LIMD1: variants seen among roughly 807,000 people sequenced by gnomAD.
LIMD1 encodes LIM domain containing 1.
LIMD1 carries 23 observed loss-of-function variants against 58.4 expected under a neutral mutation model. The ratio of observed to expected loss-of-function variants is 0.39; its 90% CI spans 0.28 to 0.56. The LOEUF (loss-of-function observed/expected upper bound fraction) is 0.56. Ranked by LOEUF, LIMD1 falls within the 20% of genes least tolerant of loss-of-function variation. LIMD1 has a pLI of 0.57. For missense variants in LIMD1, 838 were observed against 855.5 expected (o/e 0.98, Z 0.25); for synonymous variants, 334 against 345.5 (o/e 0.97, Z 0.37).
chr3:45,662,425 A>G (rs1697454197), intron 2 of LIMD1, among the ~76,000 whole-genome samples: 1 of 152,296 alleles, frequency 6.6e-6, no homozygotes, highest in Middle Eastern at 3.4e-3. Flanking sequence ...AATTAAATAT[A>G]TAAAAATTGT....
chr3:45,611,637 T>C (rs566958996), intron 1 of LIMD1, among the ~76,000 whole-genome samples: 1 of 152,282 alleles, frequency 6.6e-6, no homozygotes, highest in African/African-American at 2.4e-5. Flanking sequence ...AGCCCTTTCC[T>C]GGGTATGGGC....
intron 2 of LIMD1, among the ~76,000 whole-genome samples, chr3:45,657,837 C>A (rs1386315875): frequency 6.6e-6 from 1 of 152,114 alleles, no homozygotes; most frequent in Non-Finnish European, 1.5e-5. Context: ...CAAGTGATTC[C>A]CAAAAATAAT....
At chr3:45,601,629 G>A (rs1701413755) in intron 1 of LIMD1, among the ~76,000 whole-genome samples, 1 of 152,168 alleles carries the variant, frequency 6.6e-6, no homozygotes, top group Admixed American at 6.5e-5. Flanking sequence ...GTGCTTTGTG[G>A]GCCTTGTTGG....
In LIMD1 at chr3:45,595,094, G is replaced by T. The variant is rs762002629; in HGVS notation, c.215G>T (p.Arg72Met). The T allele has an allele frequency of 6.2e-7, 1 of 1,612,734 alleles. No homozygotes were observed. ...QQLLQEETLP[R>M]GSRGPVNGGG... The stretch of plus-strand genomic sequence containing the variant: ...CTCCTGCAGGAGGAGACTCTGCCCA[G>T]GGGGAGTAGAGGCCCTGTCAATGGA... The change falls in exon 1 of 8, where the codon AGG becomes ATG. Residue 72 changes from arginine to methionine, a missense_variant. This residue lies in a region of LIMD1 where 659 missense variants were observed against 639.8 expected (regional missense o/e 1.03). Transcript: ENST00000273317.
At chr3:45,623,401 C>T (rs1035200690) in intron 1 of LIMD1, among the ~76,000 whole-genome samples, 7 of 152,092 alleles carry the variant, frequency 4.6e-5, no homozygotes, top group Non-Finnish European at 1.0e-4. Context: ...CTCCTTGTTT[C>T]CCTGTAGAGT....
chr3:45,671,038 T>G (rs1196736353), intron 4 of LIMD1, among the ~76,000 whole-genome samples: 2 of 152,194 alleles, frequency 1.3e-5, no homozygotes, highest in African/African-American at 4.8e-5. Context: ...TTAAATTAAT[T>G]TAAGGATCTC....
At chr3:45,676,112 C>T (rs546650667) in intron 7 of LIMD1, among the ~76,000 whole-genome samples, 3 of 152,092 alleles carry the variant, frequency 2.0e-5, no homozygotes, top group East Asian at 1.9e-4. Flanking sequence ...GATGTGTTGG[C>T]GCGTGCATAA....
intron 1 of LIMD1, among the ~76,000 whole-genome samples, chr3:45,628,010 A>AAAAAAAG (rs1382269438): frequency 6.8e-6 from 1 of 146,952 alleles, no homozygotes; most frequent in Non-Finnish European, 1.5e-5. Context: ...CCCATCTCAA[A>AAAAAAAG]AAAAAAAAAG....
intron 7 of LIMD1, 121 bp downstream of exon 7, chr3:45,674,532 T>C: frequency 1.4e-6 from 1 of 702,540 alleles, no homozygotes; most frequent in Admixed American, 2.4e-5. Context: ...CCTCTAGAGC[T>C]TCTGTAGGAA....
intron 2 of LIMD1, among the ~76,000 whole-genome samples, chr3:45,643,567 C>G (rs950664214): frequency 9.2e-5 from 14 of 152,068 alleles, no homozygotes; most frequent in Non-Finnish European, 1.8e-4. Flanking sequence ...GGTTTAAAAA[C>G]TAAGACGTTC....
intron 4 of LIMD1, among the ~76,000 whole-genome samples, chr3:45,670,513 C>T (rs996208217): frequency 6.6e-6 from 1 of 152,188 alleles, no homozygotes; most frequent in Admixed American, 6.5e-5. Flanking sequence ...CACAGTTGAA[C>T]TGGAACATCC....
intron 2 of LIMD1, among the ~76,000 whole-genome samples, chr3:45,647,727 A>G (rs1701921177): frequency 6.6e-6 from 1 of 152,172 alleles, no homozygotes; most frequent in African/African-American, 2.4e-5. Context: ...TTTTTGCCTT[A>G]ACATTGTAGT....
intron 5 of LIMD1, among the ~76,000 whole-genome samples, chr3:45,673,220 A>G (rs190599416): frequency 7.2e-5 from 11 of 152,306 alleles, no homozygotes; most frequent in African/African-American, 2.6e-4. Context: ...TAAACAAATC[A>G]GTTAGTGCTG....
intron 2 of LIMD1, among the ~76,000 whole-genome samples, chr3:45,656,709 G>T (rs557021496): frequency 6.6e-6 from 1 of 152,102 alleles, no homozygotes; most frequent in African/African-American, 2.4e-5. Context: ...GTAGGGACGG[G>T]GTTTCACCAT....
intron 2 of LIMD1, among the ~76,000 whole-genome samples, chr3:45,665,022 G>A (rs575631904): frequency 2.2e-4 from 34 of 152,060 alleles, no homozygotes; most frequent in Non-Finnish European, 3.8e-4. Context: ...GATAAAGGAT[G>A]TTTACCTGTG....
rs568395780 is a variant in LIMD1, at chr3:45,631,584, G to A, written c.1409-4566G>A. On this transcript the variant is annotated intron_variant, in intron 1 of 7. Transcript: ENST00000273317. ...TGGAGAGAAAGGATGTCAGCAGCCC[G>A]AAGGACTCAGCTGCAGGAACAGAAA... Among the ~76,000 whole-genome samples, 5 of 152,244 alleles carry A rather than the reference G, an allele frequency of 3.3e-5. No homozygotes were observed. In the South Asian group the frequency reaches 8.3e-4, roughly 25 times the overall value.
chr3:45,597,962 A>C (rs1255497025), intron 1 of LIMD1, among the ~76,000 whole-genome samples: 2 of 151,796 alleles, frequency 1.3e-5, no homozygotes, highest in African/African-American at 4.8e-5. Flanking sequence ...ACTTTTTTTA[A>C]ATTTATTTTT....
chr3:45,633,092 T>C (rs1333915743), intron 1 of LIMD1, among the ~76,000 whole-genome samples: 1 of 152,218 alleles, frequency 6.6e-6, no homozygotes, highest in Non-Finnish European at 1.5e-5. Context: ...TGCTGATGCC[T>C]CTGAATTACT....
chr3:45,678,649 TG>T lies in LIMD1; in HGVS notation c.*1591del, dbSNP rs1348869616. Reference sequence around the variant, plus strand: ...GACACAGGAGCCGGTGTGTGCACTCTGCCTCCTCACCTTGCACCCAGAGCAA... The same window carrying T: ...GACACAGGAGCCGGTGTGTGCACTCTCCTCCTCACCTTGCACCCAGAGCAA... On this transcript the variant is annotated 3_prime_UTR_variant, in exon 8 of 8. Transcript: ENST00000273317. 6.6e-6 allele frequency: 1 copy of T among 152,346 alleles called. No homozygotes were observed. Among genetic ancestry groups the T allele is most frequent in the Non-Finnish European group, 1.5e-5 (1 of 68,046 alleles). 9.4% of individuals were successfully genotyped at this position (152,346 alleles called of 1,614,324 possible). A position where few individuals can be genotyped will look rare whatever the true frequency, so the allele number is the denominator to read the frequency against.
Sources: allele counts gnomAD v4.1 joint callset (sites outside exome capture counted in the v4.1 genomes callset), GRCh38; gene constraint gnomAD v4.1.1; regional missense constraint gnomAD v4.1.1; transcripts MANE v1.5; gene names NCBI Gene and HGNC (gene_info 2026-07-23, HGNC 2026-07-21).